The following GSE1 variants were observed in gnomAD, a reference collection of about 807,000 sequenced individuals.
GSE1 encodes the protein Gse1 coiled-coil protein, also known as genetic suppressor element 1.
GSE1 carries 32 observed loss-of-function variants against 112.6 expected under a neutral mutation model. The ratio of observed to expected loss-of-function variants is 0.28; its 90% confidence interval spans 0.21 to 0.38. GSE1 has a LOEUF of 0.38. Ranked by LOEUF, GSE1 falls within the 10% of genes least tolerant of loss-of-function variation. The pLI, the probability that GSE1 is intolerant of heterozygous loss-of-function variation, is 1.00. For synonymous variants in GSE1, 1,115 were observed against 735.6 expected (o/e 1.52, Z -8.35); for missense variants, 2,348 against 1,699.2 (o/e 1.38, Z -6.71).
chr16:85,502,921 A>G (rs1293350962), intron 2 of GSE1, among the ~76,000 whole-genome samples: 1 of 152,126 alleles, frequency 6.6e-6, no homozygotes, highest in Non-Finnish European at 1.5e-5. Flanking sequence ...TGCCCACGGA[A>G]GACAGAATGC....
intron 1 of GSE1, among the ~76,000 whole-genome samples, chr16:85,221,334 A>ACC (rs112540261): frequency 0.19 from 28,591 of 148,202 alleles, 2,884 homozygotes; most frequent in South Asian, 0.31. Context: ...ACACACACAC[A>ACC]CCCCAAGTAC....
chr16:85,252,044 T>C (rs753217192), intron 1 of GSE1, among the ~76,000 whole-genome samples: 1 of 152,138 alleles, frequency 6.6e-6, no homozygotes, highest in Admixed American at 6.5e-5. Context: ...CGCTAATAGA[T>C]GGCAGAGAGA....
chr16:85,442,175 A>G (rs1424973648), intron 2 of GSE1, among the ~76,000 whole-genome samples: 1 of 152,190 alleles, frequency 6.6e-6, no homozygotes, highest in Non-Finnish European at 1.5e-5. Flanking sequence ...TTCAGGCCTC[A>G]GCTCAGGTAT....
intron 2 of GSE1, among the ~76,000 whole-genome samples, chr16:85,388,163 AGTGG>A (rs2047734366): frequency 9.6e-6 from 1 of 103,702 alleles, no homozygotes; most frequent in Non-Finnish European, 2.0e-5. Flanking sequence ...TGAATGGGTG[AGTGG>A]GTGGATGGGT....
intron 2 of GSE1, among the ~76,000 whole-genome samples, chr16:85,477,441 C>A (rs1342226703): frequency 2.0e-5 from 3 of 152,046 alleles, no homozygotes; most frequent in Non-Finnish European, 4.4e-5. Context: ...CAAACATGCC[C>A]ACAGCCAGCT....
At chr16:85,636,336 C>T (rs149955429) in intron 2 of GSE1, among the ~76,000 whole-genome samples, 3 of 152,288 alleles carry the variant, frequency 2.0e-5, no homozygotes, top group Non-Finnish European at 2.9e-5. Flanking sequence ...TCGGAGTCTG[C>T]GGATGTGGAG....
chr16:85,654,695 C>G lies in GSE1; in HGVS notation c.600-99C>G, dbSNP rs529539872. 5.7e-5 allele frequency: 47 copies of G among 824,072 alleles called. 1 individual carries two copies. Among genetic ancestry groups the G allele is most frequent in the Non-Finnish European group, 9.4e-5 (47 of 500,648 alleles). 51.0% of individuals were successfully genotyped at this position (824,072 alleles called of 1,614,324 possible). A position where few individuals can be genotyped will look rare whatever the true frequency, so the allele number is the denominator to read the frequency against. Reference sequence around the variant, plus strand: ...GGGGTGCCAGGAGTCTGGGTGCCGACTGAGCGCCAGGGGTGATGCAGGGAG... The same window carrying G: ...GGGGTGCCAGGAGTCTGGGTGCCGAGTGAGCGCCAGGGGTGATGCAGGGAG... On this transcript the variant is annotated intron_variant, in intron 4 of 15. Transcript: ENST00000253458.
chr16:85,520,557 G>A (rs371090963), intron 2 of GSE1, among the ~76,000 whole-genome samples: 2 of 151,812 alleles, frequency 1.3e-5, no homozygotes, highest in East Asian at 3.9e-4. Flanking sequence ...AGGTAGCTGG[G>A]ATTACAGGCG....
intron 2 of GSE1, among the ~76,000 whole-genome samples, chr16:85,489,291 G>GC (rs1016146051): frequency 4.6e-5 from 7 of 151,768 alleles, no homozygotes; most frequent in Non-Finnish European, 8.8e-5. Context: ...GTTGAGCCGG[G>GC]CCGGTGAGAA....
chr16:85,609,066 G>C (rs137916074), upstream of GSE1, among the ~76,000 whole-genome samples: 1 of 152,194 alleles, frequency 6.6e-6, no homozygotes, highest in Non-Finnish European at 1.5e-5. Context: ...TGACAGTCAC[G>C]GGTGGCGCCC....
intron 2 of GSE1, among the ~76,000 whole-genome samples, chr16:85,444,892 C>T (rs1186635598): frequency 2.0e-5 from 3 of 152,196 alleles, no homozygotes; most frequent in African/African-American, 4.8e-5. Context: ...GGTGTCCCGC[C>T]CATGCCCCTT....
At chr16:85,614,594 G>T (rs983896717) in intron 1 of GSE1, among the ~76,000 whole-genome samples, 1 of 152,208 alleles carries the variant, frequency 6.6e-6, no homozygotes, top group African/African-American at 2.4e-5. Flanking sequence ...GTGGGCCGGG[G>T]GCCTGGCCGC....
chr16:85,502,823 C>G (rs1424483205), intron 2 of GSE1, among the ~76,000 whole-genome samples: 2 of 152,188 alleles, frequency 1.3e-5, no homozygotes, highest in African/African-American at 4.8e-5. Context: ...CAAGATCAAC[C>G]TGGACTGGAG....
At chr16:85,272,951 T>C (rs540806477) in intron 1 of GSE1, among the ~76,000 whole-genome samples, 4 of 152,182 alleles carry the variant, frequency 2.6e-5, no homozygotes, top group Non-Finnish European at 5.9e-5. Context: ...TAACTTTGTA[T>C]TTTTAGTAGA....
chr16:85,546,933 C>T (rs1416299194), intron 2 of GSE1, among the ~76,000 whole-genome samples: 1 of 152,202 alleles, frequency 6.6e-6, no homozygotes, highest in Non-Finnish European at 1.5e-5. Context: ...GTCCGATGAT[C>T]TCCGGGGGCC....
intron 2 of GSE1, 91 bp from the exon 3 acceptor site, chr16:85,648,461 C>T (rs770381620): frequency 1.5e-6 from 1 of 663,938 alleles, no homozygotes; most frequent in Non-Finnish European, 2.6e-6. Context: ...TCACTTGGAG[C>T]AGGGGGGCAG....
intron 2 of GSE1, among the ~76,000 whole-genome samples, chr16:85,429,638 C>G (rs1567479934): frequency 6.6e-6 from 1 of 152,226 alleles, no homozygotes; most frequent in East Asian, 1.9e-4. Context: ...CTCCCAAGAT[C>G]TCCCTTGCTG....
In GSE1 at chr16:85,377,149, G is replaced by A. The variant is rs758031193; in HGVS notation, c.2464+19506G>A. Reference sequence around the variant, plus strand: ...GTGGATGACGGGGTACCCCTGGTAGGCCGCACGTGGTCTGAGGATTTGGGG... The same window carrying A: ...GTGGATGACGGGGTACCCCTGGTAGACCGCACGTGGTCTGAGGATTTGGGG... On this transcript the variant is annotated intron_variant, in intron 2 of 2. Transcript: ENST00000637419. Among the ~76,000 whole-genome samples, 89 of 152,202 alleles carry A rather than the reference G, an allele frequency of 5.8e-4. 1 individual carries two copies. The highest frequency in any genetic ancestry group is 1.2e-3 in the Non-Finnish European group (79 of 68,044).
At chr16:85,590,254 G>A (rs558124760) in intron 1 of GSE1, among the ~76,000 whole-genome samples, 5 of 151,996 alleles carry the variant, frequency 3.3e-5, no homozygotes, top group Non-Finnish European at 5.9e-5. Flanking sequence ...GTGGGCCCGC[G>A]TGTGAATGAG....
Sources: allele counts gnomAD v4.1 joint callset (sites outside exome capture counted in the v4.1 genomes callset), GRCh38; gene constraint gnomAD v4.1.1; transcripts MANE v1.5; gene names NCBI Gene and HGNC (gene_info 2026-07-23, HGNC 2026-07-21).